The following XPO1 variants were observed in gnomAD, a reference collection of about 807,000 sequenced individuals.
XPO1 encodes exportin-1.
XPO1 carries 5 observed loss-of-function variants against 133.3 expected under a neutral mutation model. The ratio of observed to expected loss-of-function variants is 0.04; its 90% confidence interval spans 0.02 to 0.08. The LOEUF (loss-of-function observed/expected upper bound fraction) is 0.08. Ranked by LOEUF, XPO1 falls within the 10% of genes least tolerant of loss-of-function variation. The probability of loss-of-function intolerance (pLI) is 1.00; values close to 1 mark genes in which losing one functional copy is unlikely to be tolerated. For missense variants in XPO1, 506 were observed against 1,267.5 expected (o/e 0.40, Z 9.12); for synonymous variants, 419 against 408.2 (o/e 1.03, Z -0.32).
chr2:61,514,642 T>C (rs1056207448), intron 4 of XPO1, among the ~76,000 whole-genome samples: 6 of 150,954 alleles, frequency 4.0e-5, no homozygotes, highest in African/African-American at 1.2e-4. Context: ...TGAGATGCTA[T>C]TGTATATGCA....
At chr2:61,521,166 T>C (rs1698671741) in intron 4 of XPO1, among the ~76,000 whole-genome samples, 2 of 152,208 alleles carry the variant, frequency 1.3e-5, no homozygotes, top group Admixed American at 6.5e-5. Flanking sequence ...ATTAAAGATA[T>C]TGCCACTGAA....
chr2:61,487,610 G>T (rs1394286559), intron 19 of XPO1, among the ~76,000 whole-genome samples: 1 of 151,438 alleles, frequency 6.6e-6, no homozygotes, highest in Non-Finnish European at 1.5e-5. Flanking sequence ...CTCTCCCAAG[G>T]CTCAATTGAA....
chr2:61,486,104 T>A (rs1421089685), intron 19 of XPO1, 142 bp from the exon 20 acceptor site: 2 of 779,514 alleles, frequency 2.6e-6, no homozygotes, highest in East Asian at 5.6e-5. Context: ...TAGGGTTTCC[T>A]ACGTCAAAAC....
At chr2:61,493,519 T>A (rs142022168) in intron 12 of XPO1, 10 of 198,860 alleles carry the variant, frequency 5.0e-5, no homozygotes, top group Non-Finnish European at 6.1e-5. Context: ...AAAGAAAAAA[T>A]TTTTTTTCAC....
rs140996808 is a variant in XPO1 at position 61,492,062 on chromosome 2, A to G, written c.1860T>C (p.Thr620=). The change falls in exon 16 of 25, where the codon ACT becomes ACC. Residue 620 remains threonine (T), a synonymous_variant. Coordinates refer to ENST00000401558, the MANE Select transcript of XPO1 (RefSeq NM_003400.4). The surrounding 1 kb of genome is among the most constrained non-coding windows in gnomAD (Gnocchi z 5.6). ...FIDEILNNIN[T]IICDLQPQQV... ...GTTGAGGCTGAAGATCACAAATAAT[A>G]GTGTTAATGTTGTTCAAAATTTCAT... is the stretch of plus-strand genomic sequence containing the variant. The G allele has an allele frequency of 1.2e-4, 201 of 1,614,194 alleles. 2 individuals are homozygous for G. The highest frequency in any genetic ancestry group is 9.9e-4 in the Middle Eastern group (6 of 6,062).
intron 4 of XPO1, among the ~76,000 whole-genome samples, chr2:61,519,351 G>C (rs189227951): frequency 6.6e-6 from 1 of 152,112 alleles, no homozygotes; most frequent in African/African-American, 2.4e-5. Context: ...AGAATCATGA[G>C]ATTTTCCTGA....
chr2:61,487,024 C>T (rs945712351), intron 19 of XPO1, among the ~76,000 whole-genome samples: 1 of 151,072 alleles, frequency 6.6e-6, no homozygotes, highest in African/African-American at 2.4e-5. Flanking sequence ...CACTTGTGGC[C>T]CAGACTGGGG....
intron 2 of XPO1, among the ~76,000 whole-genome samples, chr2:61,532,740 G>C (rs1007983266): frequency 6.6e-6 from 1 of 151,468 alleles, no homozygotes; most frequent in African/African-American, 2.4e-5. Flanking sequence ...GGCTAAGGCA[G>C]GTGAATTGCT....
rs1172104321 is a variant in XPO1, at chr2:61,498,874, C to T, written c.630G>A (p.Gln210=). The T allele has an allele frequency of 1.9e-6, 3 of 1,601,820 alleles. No individual in the cohort carries two copies. The highest frequency in any genetic ancestry group is 1.3e-5 in the African/African-American group (1 of 74,344). Residue 210 remains glutamine (Q), a synonymous_variant, in exon 8 of 25, where the codon CAG becomes CAA. Transcript: ENST00000401558. ...NEFSQIFQLC[Q]FVMENSQNAP... is the part of the protein sequence containing the mutation. ...AATTAAAAACACTTACCATTACAAA[C>T]TGACACAGTTGAAATATCTGTGAGA...
At chr2:61,517,741 G>A (rs1032934425) in intron 4 of XPO1, among the ~76,000 whole-genome samples, 1 of 152,106 alleles carries the variant, frequency 6.6e-6, no homozygotes, top group Non-Finnish European at 1.5e-5. Context: ...TTTAAAACCA[G>A]CCTGGGCTTC....
chr2:61,514,951 C>A lies in XPO1; in HGVS notation c.301+7660G>T, dbSNP rs184907120. Among the ~76,000 whole-genome samples, 3 of 151,972 alleles carry A rather than the reference C, an allele frequency of 2.0e-5. No individual in the cohort carries two copies. The East Asian group carries it at 5.8e-4, about 29-fold the overall frequency. On this transcript the variant is annotated intron_variant, in intron 4 of 24. Transcript: ENST00000401558. ...TGGTGTGGTGGTGCATGCTTGTAATCCCACCTACTTGGGAGGCTGAGGCAC... is the reference window on the plus strand; with the variant it reads ...TGGTGTGGTGGTGCATGCTTGTAATACCACCTACTTGGGAGGCTGAGGCAC...
chr2:61,488,387 A>AC (rs1180492868), intron 18 of XPO1, 116 bp from the exon 19 acceptor site: 1 of 1,244,806 alleles, frequency 8.0e-7, no homozygotes, highest in Non-Finnish European at 1.1e-6. Flanking sequence ...CCAAAAGTTC[A>AC]CAAAATTTAT....
At chr2:61,505,102 C>G (rs1349193414) in intron 4 of XPO1, among the ~76,000 whole-genome samples, 2 of 152,218 alleles carry the variant, frequency 1.3e-5, no homozygotes, top group African/African-American at 2.4e-5. Flanking sequence ...CCTTGAACTT[C>G]TGGACTCAAG....
chr2:61,527,546 T>A (rs1195087107), intron 2 of XPO1, among the ~76,000 whole-genome samples: 4 of 152,128 alleles, frequency 2.6e-5, no homozygotes, highest in Non-Finnish European at 5.9e-5. Context: ...AGCAGGACAC[T>A]CTGCTTTACA....
intron 3 of XPO1, among the ~76,000 whole-genome samples, chr2:61,524,478 A>C (rs1453984247): frequency 6.6e-6 from 1 of 152,208 alleles, no homozygotes; most frequent in African/African-American, 2.4e-5. Context: ...TCTTTCTGCC[A>C]AGGGGGTTGA....
chr2:61,524,399 T>C (rs1193262966), intron 3 of XPO1, among the ~76,000 whole-genome samples: 1 of 152,232 alleles, frequency 6.6e-6, no homozygotes, highest in African/African-American at 2.4e-5. Context: ...AATTACTATT[T>C]ACTAACCTGT....
intron 4 of XPO1, among the ~76,000 whole-genome samples, chr2:61,517,156 C>T (rs973535886): frequency 1.3e-5 from 2 of 152,180 alleles, no homozygotes. Flanking sequence ...CCACCTCAGC[C>T]TCCCAAAGTG....
chr2:61,495,972 A>G (rs1270896365), intron 10 of XPO1, among the ~76,000 whole-genome samples: 2 of 152,090 alleles, frequency 1.3e-5, no homozygotes, highest in African/African-American at 4.8e-5. Context: ...CTCAGCCAAC[A>G]CTATTATTTT....
At chr2:61,521,429 A>C (rs866951003) in intron 4 of XPO1, among the ~76,000 whole-genome samples, 1 of 152,210 alleles carries the variant, frequency 6.6e-6, no homozygotes, top group Non-Finnish European at 1.5e-5. Context: ...TCAAGAAAAA[A>C]ATTTCTATTT....
Sources: allele counts gnomAD v4.1 joint callset (sites outside exome capture counted in the v4.1 genomes callset), GRCh38; gene constraint gnomAD v4.1.1; non-coding constraint Gnocchi (gnomAD v3.1); transcripts MANE v1.5; gene names NCBI Gene and HGNC (gene_info 2026-07-23, HGNC 2026-07-21).